NPNT: variants seen among roughly 807,000 people sequenced by gnomAD.
The protein encoded by NPNT is preosteoblast EGF-like repeat protein with MAM domain.
NPNT carries 45 observed loss-of-function variants against 68.6 expected under a neutral mutation model. That is an observed-to-expected ratio of 0.66 (90% CI 0.52 to 0.84). The LOEUF (loss-of-function observed/expected upper bound fraction) is 0.84. NPNT is among the 40% of genes least tolerant of loss of function. The probability of loss-of-function intolerance (pLI) is 0.00; values close to 1 mark genes in which losing one functional copy is unlikely to be tolerated. For synonymous variants in NPNT, 233 were observed against 253.3 expected, an observed-to-expected ratio of 0.92 and a Z score of 0.76; for missense variants, 672 against 714.8, an observed-to-expected ratio of 0.94 and a Z score of 0.68.
intron 2 of NPNT, among the ~76,000 whole-genome samples, chr4:105,920,341 A>G (rs1728155845): frequency 1.4e-5 from 2 of 147,918 alleles, no homozygotes; most frequent in Non-Finnish European, 3.0e-5. Flanking sequence ...GGAATGAAAT[A>G]TTTAGAAACA....
At chr4:105,957,571 AAG>A (rs1731339133) in intron 8 of NPNT, among the ~76,000 whole-genome samples, 3 of 152,308 alleles carry the variant, frequency 2.0e-5, no homozygotes, top group African/African-American at 7.2e-5. Context: ...TCACCAGGTC[AAG>A]CCCTGGAAAT....
chr4:105,931,292 T>G (rs1231671021), intron 3 of NPNT, among the ~76,000 whole-genome samples: 3 of 152,194 alleles, frequency 2.0e-5, no homozygotes, highest in African/African-American at 7.2e-5. Context: ...ACAGTGTACT[T>G]TATAATAATT....
At chr4:105,918,740 T>C (rs180704662) in intron 2 of NPNT, among the ~76,000 whole-genome samples, 268 of 152,286 alleles carry the variant, frequency 1.8e-3, no homozygotes, top group African/African-American at 6.2e-3. Flanking sequence ...CAATTTTTAA[T>C]ATAGTGTCTT....
intron 8 of NPNT, among the ~76,000 whole-genome samples, chr4:105,955,485 T>G (rs1731152731): frequency 6.6e-6 from 1 of 152,222 alleles, no homozygotes; most frequent in Admixed American, 6.5e-5. Flanking sequence ...TTGCTATTTA[T>G]ATGTGATCTA....
intron 2 of NPNT, among the ~76,000 whole-genome samples, chr4:105,904,534 G>T (rs2149320649): frequency 6.6e-6 from 1 of 152,300 alleles, no homozygotes; most frequent in Non-Finnish European, 1.5e-5. Context: ...AGAGGCAATG[G>T]GCTGAAGCTA....
intron 3 of NPNT, among the ~76,000 whole-genome samples, chr4:105,932,058 A>G (rs1729156515): frequency 6.6e-6 from 1 of 152,214 alleles, no homozygotes. Flanking sequence ...TTCCAGAAGC[A>G]TAATTTCTTA....
Position 105,940,093 on chromosome 4 carries a change from C to G in NPNT, c.524C>G (p.Thr175Arg). ...TTTCTAGATGTTGATGAATGTGCTA[C>G]AGGAAGAGCCTCCTGCCCTAGATTT... ...RTCVDVDECATGRASCPRFRQ... is the reference protein window; with the variant it reads ...RTCVDVDECARGRASCPRFRQ... The change falls in exon 6 of 12, where the codon ACA becomes AGA. Residue 175 changes from threonine (T) to arginine (R), a missense_variant. Coordinates refer to ENST00000379987, the MANE Select transcript of NPNT (RefSeq NM_001033047.3). 6.2e-7 allele frequency: 1 copy of G among 1,613,216 alleles called. No individual in the cohort carries two copies. The highest frequency in any genetic ancestry group is 8.5e-7 in the Non-Finnish European group (1 of 1,179,300).
intron 9 of NPNT, 100 bp downstream of exon 9, chr4:105,958,657 T>C (rs969263100): frequency 9.9e-6 from 6 of 605,596 alleles, no homozygotes; most frequent in Non-Finnish European, 1.7e-5. Context: ...TTGGGAAAAT[T>C]ACACCTGTTT....
rs569260984 is a variant in NPNT at position 105,939,879 on chromosome 4, T to A, written c.506-196T>A. On this transcript the variant is annotated intron_variant, in intron 5 of 11. Transcript: ENST00000379987. ...TAATATATAGAGTGCAAGAAAATAA[T>A]AACTTGGCTTAGAAGGCTGGGTTGA... Among the ~76,000 whole-genome samples the A allele has an allele frequency of 9.2e-5, 14 of 152,274 alleles. No individual in the cohort carries two copies. The East Asian group carries it at 2.7e-3, about 29-fold the overall frequency.
Position 105,895,580 on chromosome 4 carries a change from T to C in NPNT, c.-73T>C. 1.6e-6 allele frequency: 2 copies of C among 1,232,802 alleles called. No individual in the cohort carries two copies. Among genetic ancestry groups the C allele is most frequent in the South Asian group, 1.3e-5 (1 of 75,682 alleles). The allele number at this position is 1,232,802 out of a possible 1,614,324, so 76.4% of individuals were successfully genotyped here. ...TCCTCGAGACTCTCAGAGGGGCGCC[T>C]CCCATCGGCGCCCACCACCCCAACC... On this transcript the variant is annotated 5_prime_UTR_variant, in exon 1 of 12. Transcript: ENST00000379987.
At chr4:105,922,449 G>T (rs972711339) in intron 2 of NPNT, among the ~76,000 whole-genome samples, 1 of 149,664 alleles carries the variant, frequency 6.7e-6, no homozygotes, top group Non-Finnish European at 1.5e-5. Context: ...GTGCAGTGGC[G>T]CAGTCTCAGC....
At chr4:105,941,560 TA>T (rs1729956311) in intron 7 of NPNT, among the ~76,000 whole-genome samples, 1 of 152,176 alleles carries the variant, frequency 6.6e-6, no homozygotes, top group Non-Finnish European at 1.5e-5. Flanking sequence ...CCATGGTGCA[TA>T]AAATCATGAG....
At chr4:105,920,395 T>TAAAAAAAAAAAAAAAAAAAAAAAAA (rs11355483) in intron 2 of NPNT, among the ~76,000 whole-genome samples, 1 of 79,506 alleles carries the variant, frequency 1.3e-5, no homozygotes, top group South Asian at 4.8e-4. Flanking sequence ...GTTACTCTAC[T>TAAAAAAAAAAAAAAAAAAAAAAAAA]AAAAAAAAAA....
intron 2 of NPNT, among the ~76,000 whole-genome samples, chr4:105,898,825 T>C (rs1726171092): frequency 6.6e-6 from 1 of 152,290 alleles, no homozygotes; most frequent in Admixed American, 6.5e-5. Flanking sequence ...ATCTCACTCC[T>C]ACTGCAAAAA....
intron 2 of NPNT, among the ~76,000 whole-genome samples, chr4:105,912,860 A>G (rs1428221298): frequency 2.0e-5 from 3 of 152,114 alleles, no homozygotes. Flanking sequence ...TTCTAAGAAG[A>G]CAATGTTCTT....
intron 8 of NPNT, among the ~76,000 whole-genome samples, chr4:105,948,501 G>C (rs1318968596): frequency 6.6e-6 from 1 of 152,106 alleles, no homozygotes; most frequent in Non-Finnish European, 1.5e-5. Flanking sequence ...TCAGAGATAA[G>C]GGATCTAGTG....
Position 105,968,922 on chromosome 4 carries a change from G to A in NPNT, c.1630G>A (p.Gly544Ser). The A allele has an allele frequency of 6.2e-7, 1 of 1,612,666 alleles. No homozygotes were observed. Residue 544 changes from glycine to serine, a missense_variant, in exon 12 of 12, where the codon GGT (glycine) becomes AGT (serine). Physicochemically the swap from Gly to Ser is moderately conservative, Grantham distance 56. Transcript: ENST00000379987. ...SVVFKGEKRRGHTGEIGLDDV... is the reference protein window; with the variant it reads ...SVVFKGEKRRSHTGEIGLDDV... Reference sequence around the variant, plus strand: ...CGTCTTCAAAGGTGAAAAAAGGCGTGGTCACACTGGGGAGATTGGATTAGA... The same window carrying A: ...CGTCTTCAAAGGTGAAAAAAGGCGTAGTCACACTGGGGAGATTGGATTAGA...
At chr4:105,908,096 A>G (rs1727065119) in intron 2 of NPNT, among the ~76,000 whole-genome samples, 1 of 152,146 alleles carries the variant, frequency 6.6e-6, no homozygotes, top group Non-Finnish European at 1.5e-5. Flanking sequence ...TGAATAATAA[A>G]AATGATTTCT....
At chr4:105,928,909 T>C (rs753325944) in intron 3 of NPNT, among the ~76,000 whole-genome samples, 1 of 149,824 alleles carries the variant, frequency 6.7e-6, no homozygotes, top group Non-Finnish European at 1.5e-5. Flanking sequence ...GTATGTCATG[T>C]AAACTAATGA....
Sources: allele counts gnomAD v4.1 joint callset (sites outside exome capture counted in the v4.1 genomes callset), GRCh38; gene constraint gnomAD v4.1.1; transcripts MANE v1.5; gene names NCBI Gene and HGNC (gene_info 2026-07-23, HGNC 2026-07-21).